The following BMP5 variants were observed in gnomAD, a reference collection of about 807,000 sequenced individuals.
The protein encoded by BMP5 is bone morphogenetic protein 5.
In BMP5, 23 loss-of-function variants were observed where a neutral mutation model predicts 46.6. That is an observed-to-expected ratio of 0.49 (90% CI 0.35 to 0.70). The LOEUF (loss-of-function observed/expected upper bound fraction) is 0.70, where lower values mean the gene tolerates loss of function less well. Among genes scored for constraint, BMP5 ranks in the 30% least tolerant of loss-of-function variants. The pLI, the probability that BMP5 is intolerant of heterozygous loss-of-function variation, is 0.00. For synonymous variants in BMP5, 204 were observed against 191.9 expected (o/e 1.06, Z -0.52); for missense variants, 545 against 565.6 (o/e 0.96, Z 0.37).
chr6:55,795,055 G>A (rs1562041501), intron 2 of BMP5, among the ~76,000 whole-genome samples: 1 of 152,026 alleles, frequency 6.6e-6, no homozygotes, highest in Non-Finnish European at 1.5e-5. Flanking sequence ...GGACAGTAAT[G>A]GCTGTGAATA....
rs868409391 is a variant in BMP5, at chr6:55,875,113, T to C, written c.-248A>G. ...AACTCAGATTTCCAATTATCCACAGTTGTTAAGAGTTTTTGCTGCATTGAT... is the reference window on the plus strand; with the variant it reads ...AACTCAGATTTCCAATTATCCACAGCTGTTAAGAGTTTTTGCTGCATTGAT... On this transcript the variant is annotated 5_prime_UTR_variant, in exon 1 of 7. Transcript: ENST00000370830. 63 of 433,788 alleles carry C rather than the reference T, an allele frequency of 1.5e-4. No individual in the cohort carries two copies. The Middle Eastern group carries it at 8.8e-3, about 61-fold the overall frequency. The allele number at this position is 433,788 out of a possible 1,614,324, so 26.9% of individuals were successfully genotyped here.
At chr6:55,813,925 C>T (rs1012975974) in intron 2 of BMP5, among the ~76,000 whole-genome samples, 5 of 152,074 alleles carry the variant, frequency 3.3e-5, no homozygotes, top group Admixed American at 1.3e-4. Flanking sequence ...TACATGAATC[C>T]GTCTACATCT....
chr6:55,782,361 T>C (rs946196245), intron 3 of BMP5, among the ~76,000 whole-genome samples: 1 of 152,142 alleles, frequency 6.6e-6, no homozygotes, highest in Non-Finnish European at 1.5e-5. Flanking sequence ...TTCTTCTGAG[T>C]AGAAGGAAGC....
chr6:55,767,480 ACAGT>A (rs1472540593), intron 4 of BMP5, among the ~76,000 whole-genome samples: 4 of 152,042 alleles, frequency 2.6e-5, no homozygotes, highest in African/African-American at 9.6e-5. Flanking sequence ...ACATGAGGAA[ACAGT>A]CAGAGAGAGG....
At chr6:55,864,906 GA>G (rs201286150) in intron 1 of BMP5, among the ~76,000 whole-genome samples, 53 of 146,520 alleles carry the variant, frequency 3.6e-4, no homozygotes, top group Non-Finnish European at 4.8e-4. Flanking sequence ...AGCCGCATCT[GA>G]AAAAAAAAAC....
intron 1 of BMP5, among the ~76,000 whole-genome samples, chr6:55,826,632 AATG>A (rs1776538787): frequency 6.6e-6 from 1 of 151,526 alleles, no homozygotes; most frequent in South Asian, 2.1e-4. Context: ...AGAATACTGT[AATG>A]ATAACAGCTA....
Position 55,767,698 on chromosome 6 carries a change from T to C in BMP5, c.1027+6351A>G, listed in dbSNP as rs550567905. Among the ~76,000 whole-genome samples the C allele has an allele frequency of 3.9e-5, 6 of 152,152 alleles. No homozygotes were observed. In the South Asian group the frequency reaches 8.3e-4, roughly 21 times the overall value. On this transcript the variant is annotated intron_variant, in intron 4 of 6. Transcript: ENST00000370830. ...GATAGCAACTTTTAATATTAGTTACTGTCATAATTACGTGGATTAGAAATA... is the reference window on the plus strand; with the variant it reads ...GATAGCAACTTTTAATATTAGTTACCGTCATAATTACGTGGATTAGAAATA...
At chr6:55,855,485 T>G (rs1471810972) in intron 1 of BMP5, among the ~76,000 whole-genome samples, 1 of 152,184 alleles carries the variant, frequency 6.6e-6, no homozygotes, top group Non-Finnish European at 1.5e-5. Context: ...CTATGTTATT[T>G]CTCTTTTTAT....
chr6:55,815,366 T>C (rs2127536925), intron 2 of BMP5, among the ~76,000 whole-genome samples: 1 of 152,234 alleles, frequency 6.6e-6, no homozygotes, highest in African/African-American at 2.4e-5. Flanking sequence ...TAAGATTGAA[T>C]TGAATTTTTA....
Position 55,874,510 on chromosome 6 carries a change from G to A in BMP5, c.356C>T (p.Ser119Phe). The change falls in exon 1 of 7, where the codon TCT becomes TTT. Residue 119 changes from serine (S) to phenylalanine (F), a missense_variant. Physicochemically the swap from Ser to Phe is radical, Grantham distance 155 (BLOSUM62 -2). Transcript: ENST00000370830. ...TRGARKGYPA[S>F]PNGYPRRIQL... Reference sequence around the variant, plus strand: ...TATGCGACGAGGATACCCATTGGGAGAGGCTGGGTATCCCTTTCTTGCCCC... The same window carrying A: ...TATGCGACGAGGATACCCATTGGGAAAGGCTGGGTATCCCTTTCTTGCCCC... The A allele has an allele frequency of 6.2e-7, 1 of 1,613,470 alleles. No homozygotes were observed.
intron 1 of BMP5, among the ~76,000 whole-genome samples, chr6:55,845,144 CA>C (rs1554185530): frequency 6.6e-6 from 1 of 151,910 alleles, no homozygotes; most frequent in Non-Finnish European, 1.5e-5. Flanking sequence ...CTTTACATGG[CA>C]CATGTGCATA....
chr6:55,830,578 A>G (rs17734678), intron 1 of BMP5, among the ~76,000 whole-genome samples: 27,495 of 152,044 alleles, frequency 0.18, 3,132 homozygotes, highest in Non-Finnish European at 0.25. Flanking sequence ...CTTATTTTAG[A>G]TTCAAATTTA....
chr6:55,833,415 C>T (rs114303830), intron 1 of BMP5, among the ~76,000 whole-genome samples: 2,487 of 152,252 alleles, frequency 0.016, 58 homozygotes, highest in African/African-American at 0.055. Flanking sequence ...GGTTTTAACA[C>T]ATAGTGAAAA....
intron 4 of BMP5, chr6:55,772,803 C>T: frequency 1.0e-6 from 1 of 985,132 alleles, no homozygotes; most frequent in Non-Finnish European, 1.2e-6. Context: ...AATCTTCCCT[C>T]CTGCTTCTGT....
intron 4 of BMP5, among the ~76,000 whole-genome samples, chr6:55,772,037 G>A (rs1173745208): frequency 2.6e-5 from 4 of 151,808 alleles, no homozygotes; most frequent in Non-Finnish European, 4.4e-5. Flanking sequence ...GAAAGGTTAA[G>A]TCTTATAGAC....
intron 4 of BMP5, among the ~76,000 whole-genome samples, chr6:55,773,779 GT>G (rs1472756033): frequency 6.6e-6 from 1 of 151,854 alleles, no homozygotes; most frequent in African/African-American, 2.4e-5. Flanking sequence ...GCTAGATTGT[GT>G]TGATTAGCCA....
At chr6:55,849,039 G>T (rs1469913037) in intron 1 of BMP5, among the ~76,000 whole-genome samples, 2 of 151,982 alleles carry the variant, frequency 1.3e-5, no homozygotes, top group African/African-American at 4.8e-5. Flanking sequence ...ACACTTCTAT[G>T]CAAAAGCAAT....
intron 1 of BMP5, among the ~76,000 whole-genome samples, chr6:55,842,272 A>G (rs1484874200): frequency 6.6e-6 from 1 of 152,018 alleles, no homozygotes; most frequent in African/African-American, 2.4e-5. Flanking sequence ...AGGTATCTTT[A>G]CTCCTAAGAT....
chr6:55,777,191 G>A (rs1775196054), intron 3 of BMP5, among the ~76,000 whole-genome samples: 2 of 151,790 alleles, frequency 1.3e-5, no homozygotes, highest in African/African-American at 4.8e-5. Context: ...TATTGATTAT[G>A]TTGACTAAAC....
Sources: gnomAD v4.1 joint callset for allele counts (sites outside exome capture counted in the v4.1 genomes callset) on GRCh38, gnomAD v4.1.1 for gene constraint, MANE v1.5 for transcripts, NCBI Gene and HGNC (gene_info 2026-07-23, HGNC 2026-07-21) for gene names.